The following HDAC9 variants were observed in gnomAD, a reference collection of about 807,000 sequenced individuals.
HDAC9 encodes the protein MEF-2 interacting transcription repressor (MITR) protein.
HDAC9 carries 41 observed loss-of-function variants against 139.4 expected under a neutral mutation model. That is an observed-to-expected ratio of 0.29 (90% confidence interval 0.23 to 0.38). The LOEUF (loss-of-function observed/expected upper bound fraction) is 0.38. Among genes scored for constraint, HDAC9 ranks in the 10% least tolerant of loss-of-function variants. The pLI is 1.00. For missense variants in HDAC9, 1,147 were observed against 1,297.0 expected, an observed-to-expected ratio of 0.88 and a Z score of 1.78; for synonymous variants, 517 against 476.2, an observed-to-expected ratio of 1.09 and a Z score of -1.12.
intron 1 of HDAC9, among the ~76,000 whole-genome samples, chr7:18,100,364 A>T (rs1782767790): frequency 6.6e-6 from 1 of 152,050 alleles, no homozygotes. Context: ...TTGAAAAAAA[A>T]GTTAGTCATT....
At chr7:18,141,144 G>A (rs1477368072) in intron 1 of HDAC9, among the ~76,000 whole-genome samples, 2 of 152,136 alleles carry the variant, frequency 1.3e-5, no homozygotes, top group Admixed American at 1.3e-4. Context: ...TGTAATGAGT[G>A]TTTTGCAGAG....
At chr7:18,344,465 A>G (rs1782249287) in intron 1 of HDAC9, among the ~76,000 whole-genome samples, 1 of 151,930 alleles carries the variant, frequency 6.6e-6, no homozygotes, top group African/African-American at 2.4e-5. Context: ...TCACATATAG[A>G]TTATGTTAGT....
chr7:18,963,901 G>T (rs1783685758), intron 24 of HDAC9, among the ~76,000 whole-genome samples: 1 of 152,002 alleles, frequency 6.6e-6, no homozygotes, highest in Admixed American at 6.6e-5. Context: ...GCCCTTTCCT[G>T]TCTTCACTTC....
Position 18,632,808 on chromosome 7 carries a change from T to G in HDAC9, c.797-1819T>G, listed in dbSNP as rs1424010603. Among the ~76,000 whole-genome samples the G allele has an allele frequency of 2.0e-5, 3 of 151,912 alleles. 1 individual carries two copies. Among genetic ancestry groups the G allele is most frequent in the Non-Finnish European group, 4.4e-5 (3 of 67,956 alleles). Reference sequence around the variant, plus strand: ...TTGACAGAATAACAAGGCCTTAAACTGAAATGATTGTAGTCAGACATAGAT... The same window carrying G: ...TTGACAGAATAACAAGGCCTTAAACGGAAATGATTGTAGTCAGACATAGAT... On this transcript the variant is annotated intron_variant, in intron 7 of 25. Coordinates refer to ENST00000686413, the MANE Select transcript of HDAC9 (RefSeq NM_178425.4).
chr7:18,479,909 A>T (rs965288926), intron 1 of HDAC9, among the ~76,000 whole-genome samples: 6 of 151,746 alleles, frequency 4.0e-5, no homozygotes, highest in African/African-American at 1.5e-4. Flanking sequence ...CCTAGATTGC[A>T]ATGCTAAGAG....
chr7:18,991,470 T>C (rs1785950760), intron 25 of HDAC9, among the ~76,000 whole-genome samples: 1 of 152,108 alleles, frequency 6.6e-6, no homozygotes, highest in African/African-American at 2.4e-5. Context: ...ACCCTGTCTC[T>C]ACTAAAAATA....
At chr7:18,305,230 A>C (rs1481188706) in intron 1 of HDAC9, among the ~76,000 whole-genome samples, 2 of 151,626 alleles carry the variant, frequency 1.3e-5, no homozygotes, top group Admixed American at 1.3e-4. Flanking sequence ...TTCCATCTTC[A>C]CTCTTGATGA....
chr7:18,941,577 G>C (rs528050298), intron 23 of HDAC9, among the ~76,000 whole-genome samples: 1 of 152,194 alleles, frequency 6.6e-6, no homozygotes, highest in African/African-American at 2.4e-5. Context: ...TAGTCCATTG[G>C]GGAATTGGTG....
intron 2 of HDAC9, among the ~76,000 whole-genome samples, chr7:18,184,070 G>A (rs187205258): frequency 6.6e-6 from 1 of 152,204 alleles, no homozygotes; most frequent in Admixed American, 6.5e-5. Flanking sequence ...TTTAGATTTT[G>A]TATTTGTTTG....
chr7:18,136,227 C>T (rs868403228), intron 1 of HDAC9, among the ~76,000 whole-genome samples: 63 of 149,790 alleles, frequency 4.2e-4, no homozygotes, highest in Admixed American at 2.3e-3. Context: ...GAGTAGGTTG[C>T]GAAAATTTTC....
At chr7:18,811,860 G>C (rs1207422993) in intron 17 of HDAC9, among the ~76,000 whole-genome samples, 1 of 151,368 alleles carries the variant, frequency 6.6e-6, no homozygotes, top group Non-Finnish European at 1.5e-5. Flanking sequence ...AAGGGAGAGG[G>C]AGAGGGAGAG....
Position 18,812,675 on chromosome 7 carries a change from G to T in HDAC9, c.2323-16486G>T, listed in dbSNP as rs148453563. On this transcript the variant is annotated intron_variant, in intron 17 of 25. Coordinates refer to ENST00000686413, the MANE Select transcript of HDAC9 (RefSeq NM_178425.4). ...TTGAAGTACATTGAGCTTAATGTGT[G>T]GCTTGCTGTTTTTAATAACAATTGG... is the stretch of plus-strand genomic sequence containing the variant. Among the ~76,000 whole-genome samples the T allele has an allele frequency of 2.5e-3, 384 of 151,626 alleles. 3 individuals are homozygous for T. The highest frequency in any genetic ancestry group is 0.023 in the Admixed American group (347 of 15,222).
intron 24 of HDAC9, among the ~76,000 whole-genome samples, chr7:18,962,923 T>C (rs1176610294): frequency 1.3e-5 from 2 of 152,156 alleles, no homozygotes; most frequent in Non-Finnish European, 2.9e-5. Context: ...AAAACTAAGA[T>C]TTTAATCCTG....
At chr7:18,120,088 A>G (rs1784269407) in intron 1 of HDAC9, among the ~76,000 whole-genome samples, 1 of 152,186 alleles carries the variant, frequency 6.6e-6, no homozygotes, top group African/African-American at 2.4e-5. Context: ...TCTAGTAAAC[A>G]TTTACTACTG....
chr7:18,162,286 T>C, exon 2 of HDAC9: 1 of 1,532,622 alleles, frequency 6.5e-7, no homozygotes, highest in Non-Finnish European at 8.7e-7. Flanking sequence ...ACAAAGGCTG[T>C]GAATCTGCAT....
intron 12 of HDAC9, among the ~76,000 whole-genome samples, chr7:18,675,198 C>G (rs1243889880): frequency 6.6e-6 from 1 of 151,970 alleles, no homozygotes; most frequent in African/African-American, 2.4e-5. Context: ...ACTAGGTATG[C>G]ATCAAACCCT....
chr7:18,194,513 A>G (rs1333025046), intron 2 of HDAC9, among the ~76,000 whole-genome samples: 1 of 152,154 alleles, frequency 6.6e-6, no homozygotes, highest in East Asian at 1.9e-4. Flanking sequence ...TCCCAAACTG[A>G]AAAAAACCAT....
chr7:18,906,001 C>T (rs565754531), intron 22 of HDAC9, among the ~76,000 whole-genome samples: 2 of 149,856 alleles, frequency 1.3e-5, no homozygotes, highest in Admixed American at 6.7e-5. Flanking sequence ...CTCTCTCTCT[C>T]TTTATTTTTT....
At chr7:18,861,181 A>G (rs1190833815) in intron 21 of HDAC9, among the ~76,000 whole-genome samples, 1 of 152,150 alleles carries the variant, frequency 6.6e-6, no homozygotes, top group African/African-American at 2.4e-5. Flanking sequence ...TTTATACAAT[A>G]ATGACTGGGA....
Sources: allele counts gnomAD v4.1 joint callset (sites outside exome capture counted in the v4.1 genomes callset), GRCh38; gene constraint gnomAD v4.1.1; transcripts MANE v1.5; gene names NCBI Gene and HGNC (gene_info 2026-07-23, HGNC 2026-07-21).